NTRK3: variants seen among roughly 807,000 people sequenced by gnomAD.
NTRK3 encodes neurotrophic receptor tyrosine kinase 3.
In NTRK3, 24 loss-of-function variants were observed where a neutral mutation model predicts 91.7. That is an observed-to-expected ratio of 0.26 (90% CI 0.19 to 0.37). NTRK3 has a LOEUF of 0.37. Ranked by LOEUF, NTRK3 falls within the 10% of genes least tolerant of loss-of-function variation. The probability of loss-of-function intolerance (pLI) is 1.00; values close to 1 mark genes in which losing one functional copy is unlikely to be tolerated. For missense variants in NTRK3, 880 were observed against 1,068.9 expected, an observed-to-expected ratio of 0.82 and a Z score of 2.46; for synonymous variants, 483 against 404.0, an observed-to-expected ratio of 1.20 and a Z score of -2.34.
Position 88,010,732 on chromosome 15 carries a change from G to A in NTRK3, c.1585+22125C>T, listed in dbSNP as rs192818359. On this transcript the variant is annotated intron_variant, in intron 14 of 18. Coordinates refer to ENST00000394480, the Ensembl canonical transcript of NTRK3. ...TGTATTTTTACCTCTAGCACTGCTG[G>A]AATTTACACACACACCCACACACAC... is the stretch of plus-strand genomic sequence containing the variant. Among the ~76,000 whole-genome samples the A allele has an allele frequency of 1.7e-3, 252 of 149,278 alleles. 1 individual carries two copies. The highest frequency in any genetic ancestry group is 6.1e-3 in the African/African-American group (240 of 39,572).
intron 14 of NTRK3, among the ~76,000 whole-genome samples, chr15:88,027,053 C>T (rs2078098640): frequency 6.6e-6 from 1 of 152,124 alleles, no homozygotes; most frequent in Non-Finnish European, 1.5e-5. Flanking sequence ...AAGAACTGTC[C>T]TTAATAGGTT....
At chr15:88,103,876 T>A (rs1382032722) in intron 13 of NTRK3, among the ~76,000 whole-genome samples, 3 of 151,778 alleles carry the variant, frequency 2.0e-5, no homozygotes, top group African/African-American at 7.3e-5. Flanking sequence ...ATCCTAGAGG[T>A]TGTGGCTGGA....
intron 13 of NTRK3, among the ~76,000 whole-genome samples, chr15:88,075,159 C>T (rs1452663911): frequency 1.3e-5 from 2 of 152,176 alleles, no homozygotes; most frequent in Non-Finnish European, 2.9e-5. Context: ...GTGCATCCCT[C>T]AGCTGCCTGG....
intron 15 of NTRK3, among the ~76,000 whole-genome samples, chr15:87,935,973 C>T (rs998675547): frequency 7.2e-5 from 11 of 152,220 alleles, no homozygotes; most frequent in Non-Finnish European, 1.3e-4. Flanking sequence ...TAGGGTATGG[C>T]AACTAGGGTT....
At chr15:88,176,719 CA>C (rs1267792574) in intron 5 of NTRK3, among the ~76,000 whole-genome samples, 2 of 152,162 alleles carry the variant, frequency 1.3e-5, no homozygotes, top group African/African-American at 2.4e-5. Flanking sequence ...AATCACTTGG[CA>C]TATAACAGGC....
intron 7 of NTRK3, 117 bp downstream of exon 7, chr15:88,137,287 G>T: frequency 8.3e-7 from 1 of 1,207,882 alleles, no homozygotes; most frequent in Non-Finnish European, 1.2e-6. Flanking sequence ...AGAGTTCAAG[G>T]CTGGGAGGGC....
At chr15:87,870,717 A>C in exon 19 of NTRK3, 1 of 223,320 alleles carries the variant, frequency 4.5e-6, no homozygotes, top group East Asian at 6.5e-5. Flanking sequence ...CTAAAATGAG[A>C]AGAAACCAAC....
rs866679918 is a variant in NTRK3 at position 88,241,856 on chromosome 15, A to C, written c.248+14050T>G. Among the ~76,000 whole-genome samples, 1 of 152,112 alleles carries C rather than the reference A, an allele frequency of 6.6e-6. No homozygotes were observed. On this transcript the variant is annotated intron_variant, in intron 3 of 18. Coordinates refer to ENST00000394480, the Ensembl canonical transcript of NTRK3. The surrounding 1 kb of genome is among the most constrained non-coding windows in gnomAD (Gnocchi z 4.3). ...AAAGCTTGGCCCACCTCCCCTCTCCAGAGGTCGATTTCCAGGTGCAGGGAG... is the reference window on the plus strand; with the variant it reads ...AAAGCTTGGCCCACCTCCCCTCTCCCGAGGTCGATTTCCAGGTGCAGGGAG...
intron 3 of NTRK3, among the ~76,000 whole-genome samples, chr15:88,194,500 C>T (rs1029278821): frequency 1.3e-5 from 2 of 152,140 alleles, no homozygotes; most frequent in Non-Finnish European, 1.5e-5. Flanking sequence ...CCAGACAAAC[C>T]CTGTCATTGA....
At chr15:88,118,276 C>A (rs184479071) in intron 13 of NTRK3, among the ~76,000 whole-genome samples, 12 of 152,300 alleles carry the variant, frequency 7.9e-5, no homozygotes, top group Admixed American at 7.8e-4. Flanking sequence ...ATGACAGCTT[C>A]TCATTAGCCA....
chr15:88,043,137 C>T (rs1288524036), intron 13 of NTRK3, among the ~76,000 whole-genome samples: 3 of 152,128 alleles, frequency 2.0e-5, no homozygotes, highest in Admixed American at 1.3e-4. Context: ...CAGGAATGGC[C>T]GGCAGCAAGG....
intron 14 of NTRK3, among the ~76,000 whole-genome samples, chr15:87,968,087 C>CT (rs1305484104): frequency 1.3e-5 from 2 of 152,086 alleles, no homozygotes; most frequent in Non-Finnish European, 1.5e-5. Context: ...TAGTGTATGC[C>CT]TTTTTTACTC....
intron 10 of NTRK3, among the ~76,000 whole-genome samples, chr15:88,134,323 G>A (rs2041667467): frequency 6.6e-6 from 1 of 151,958 alleles, no homozygotes; most frequent in Non-Finnish European, 1.5e-5. Context: ...CCAACTTCAG[G>A]GAGATATTTA....
intron 3 of NTRK3, among the ~76,000 whole-genome samples, chr15:88,225,022 T>C (rs2050554215): frequency 6.6e-6 from 1 of 152,210 alleles, no homozygotes; most frequent in Non-Finnish European, 1.5e-5. Flanking sequence ...TTATTTTCCC[T>C]TAGTAGTTAG....
At chr15:88,000,269 C>T (rs1383071673) in intron 14 of NTRK3, among the ~76,000 whole-genome samples, 39 of 152,210 alleles carry the variant, frequency 2.6e-4, no homozygotes. Context: ...AGACCCTCAA[C>T]ACTGTCATGC....
intron 14 of NTRK3, among the ~76,000 whole-genome samples, chr15:88,002,661 A>G (rs1293856612): frequency 6.6e-6 from 1 of 150,698 alleles, no homozygotes; most frequent in African/African-American, 2.5e-5. Context: ...TTAAAAACTA[A>G]GACTCAACAG....
intron 3 of NTRK3, among the ~76,000 whole-genome samples, chr15:88,197,094 CAAAAAAAAA>C (rs59553739): frequency 2.8e-3 from 161 of 56,540 alleles, no homozygotes; most frequent in African/African-American, 7.4e-3. Flanking sequence ...TTGAGCAGGA[CAAAAAAAAA>C]AAAAAAAAAA....
rs184988161 is a variant in NTRK3 at position 88,055,002 on chromosome 15, A to G, written c.1397-21957T>C. ...TAACAGAGCTGGGATTTCAACTCCT[A>G]TGTAGCTAACCTCAGAGCCCAAACA... is the stretch of plus-strand genomic sequence containing the variant. On this transcript the variant is annotated intron_variant, in intron 13 of 18. Coordinates refer to ENST00000394480, the Ensembl canonical transcript of NTRK3. 2.0e-5 allele frequency among the ~76,000 whole-genome samples: 3 copies of G among 152,304 alleles called. No homozygotes were observed. The East Asian group carries it at 5.8e-4, about 29-fold the overall frequency.
At chr15:88,115,845 A>C (rs1173488469) in intron 13 of NTRK3, among the ~76,000 whole-genome samples, 2 of 152,026 alleles carry the variant, frequency 1.3e-5, no homozygotes, top group African/African-American at 2.4e-5. Flanking sequence ...CCACCAACTT[A>C]ACCCATGGGG....
Sources: allele counts gnomAD v4.1 joint callset (sites outside exome capture counted in the v4.1 genomes callset), GRCh38; gene constraint gnomAD v4.1.1; non-coding constraint Gnocchi (gnomAD v3.1); transcripts MANE v1.5; gene names NCBI Gene and HGNC (gene_info 2026-07-23, HGNC 2026-07-21).